The following COL28A1 variants were observed in gnomAD, a reference collection of about 807,000 sequenced individuals.
COL28A1 encodes the protein collagen alpha-1(XXVIII) chain.
In COL28A1, 161 loss-of-function variants were observed where a neutral mutation model predicts 150.2. The ratio of observed to expected loss-of-function variants is 1.07; its 90% CI spans 0.94 to 1.22. The LOEUF (loss-of-function observed/expected upper bound fraction) is 1.22, where lower values mean the gene tolerates loss of function less well. Among genes scored for constraint, COL28A1 ranks in the 50% most tolerant of loss-of-function variants. COL28A1 has a pLI of 0.00. For missense variants in COL28A1, 1,617 were observed against 1,388.3 expected (o/e 1.16, Z -2.62); for synonymous variants, 552 against 469.7 (o/e 1.18, Z -2.26).
chr7:7,481,148 T>C (rs1427569828), intron 13 of COL28A1, among the ~76,000 whole-genome samples: 1 of 152,244 alleles, frequency 6.6e-6, no homozygotes, highest in Non-Finnish European at 1.5e-5. Flanking sequence ...CATGCTGCAC[T>C]GAATAAACAC....
intron 21 of COL28A1, among the ~76,000 whole-genome samples, 173 bp from the exon 22 acceptor site, chr7:7,437,635 T>G (rs1051445183): frequency 1.3e-5 from 2 of 152,200 alleles, no homozygotes; most frequent in African/African-American, 4.8e-5. Flanking sequence ...CTGCTAGTTA[T>G]TGACTAGTAA....
At chr7:7,363,454 T>A (rs1471819328) in intron 33 of COL28A1, among the ~76,000 whole-genome samples, 1 of 152,180 alleles carries the variant, frequency 6.6e-6, no homozygotes, top group East Asian at 1.9e-4. Flanking sequence ...TCTGGCTCAG[T>A]GAGATGTCAG....
chr7:7,542,088 G>T, the COL28A1 span, among the ~76,000 whole-genome samples: 61 of 152,318 alleles, frequency 4.0e-4, no homozygotes, highest in Non-Finnish European at 4.3e-4. Context: ...GGTGGCTCAC[G>T]CCTGTAATCC....
chr7:7,397,407 T>G (rs1044476722), intron 27 of COL28A1, among the ~76,000 whole-genome samples: 3 of 152,298 alleles, frequency 2.0e-5, no homozygotes, highest in African/African-American at 7.2e-5. Context: ...CCTTCTGCCA[T>G]TTAAGGTAAT....
intron 20 of COL28A1, among the ~76,000 whole-genome samples, chr7:7,443,143 A>G (rs1785943500): frequency 6.6e-6 from 1 of 152,194 alleles, no homozygotes; most frequent in East Asian, 1.9e-4. Flanking sequence ...CTTAACATAT[A>G]AAAATGTTAT....
intron 5 of COL28A1, among the ~76,000 whole-genome samples, chr7:7,520,458 C>T (rs1013338348): frequency 8.5e-5 from 13 of 152,176 alleles, no homozygotes; most frequent in Non-Finnish European, 1.8e-4. Flanking sequence ...AGGAGTTGTT[C>T]CCAATCTCTC....
chr7:7,515,461 A>G (rs1235331440), intron 8 of COL28A1, among the ~76,000 whole-genome samples: 2 of 152,200 alleles, frequency 1.3e-5, no homozygotes, highest in Admixed American at 1.3e-4. Context: ...ACAGGAAGTT[A>G]AACACCAAGG....
intron 27 of COL28A1, among the ~76,000 whole-genome samples, chr7:7,399,073 T>C (rs939807040): frequency 2.0e-5 from 3 of 152,200 alleles, no homozygotes; most frequent in African/African-American, 7.2e-5. Flanking sequence ...TGTAACTTCA[T>C]ATCTACTTTC....
chr7:7,474,211 G>A (rs113677924), intron 15 of COL28A1, among the ~76,000 whole-genome samples: 2 of 151,698 alleles, frequency 1.3e-5, no homozygotes, highest in Non-Finnish European at 2.9e-5. Flanking sequence ...AACATTGTAT[G>A]TTCTCACTCA....
At position 7,488,342 on chromosome 7, in the gene COL28A1, AAT is replaced by A. The variant is rs1207556838; in HGVS notation, c.1164+1045_1164+1046del. Among the ~76,000 whole-genome samples the A allele has an allele frequency of 5.9e-5, 9 of 152,328 alleles. No homozygotes were observed. The East Asian group carries it at 1.5e-3, about 26-fold the overall frequency. ...ATTAGTGAAAAGCCTAAACCTAAAT[AAT>A]ATGTTGCCATTTCACTCACAGAGTG... On this transcript the variant is annotated intron_variant, in intron 13 of 34. Transcript: ENST00000399429.
At chr7:7,525,852 A>G (rs1311577577) in intron 3 of COL28A1, among the ~76,000 whole-genome samples, 1 of 152,206 alleles carries the variant, frequency 6.6e-6, no homozygotes, top group Non-Finnish European at 1.5e-5. Flanking sequence ...AATTTTCTCC[A>G]TATATAAAAA....
chr7:7,418,524 C>T lies in COL28A1; in HGVS notation c.2068-597G>A, dbSNP rs369671996. Among the ~76,000 whole-genome samples, 4 of 152,140 alleles carry T rather than the reference C, an allele frequency of 2.6e-5. No individual in the cohort carries two copies. The East Asian group carries it at 7.7e-4, about 29-fold the overall frequency. On this transcript the variant is annotated intron_variant, in intron 26 of 34. Transcript: ENST00000399429. ...AGCATGCGCTTTCCCTTGGAGATCTCCAGTGCACACTAATATAGTAGACTA... is the reference window on the plus strand; with the variant it reads ...AGCATGCGCTTTCCCTTGGAGATCTTCAGTGCACACTAATATAGTAGACTA...
intron 27 of COL28A1, among the ~76,000 whole-genome samples, chr7:7,412,727 G>C (rs999250241): frequency 6.6e-6 from 1 of 152,060 alleles, no homozygotes; most frequent in Non-Finnish European, 1.5e-5. Flanking sequence ...GAGAAGCCAT[G>C]ATTCAAATCT....
At chr7:7,504,041 T>G (rs1373502721) in intron 11 of COL28A1, among the ~76,000 whole-genome samples, 1 of 152,206 alleles carries the variant, frequency 6.6e-6, no homozygotes, top group Non-Finnish European at 1.5e-5. Context: ...CTTTTATGAT[T>G]ATGCTGTAAA....
intron 13 of COL28A1, 102 bp from the exon 14 acceptor site, chr7:7,477,282 GTT>G: frequency 2.8e-6 from 2 of 710,228 alleles, no homozygotes; most frequent in Admixed American, 4.9e-5. Context: ...TTATATTTCA[GTT>G]TACATGCCAA....
At chr7:7,446,685 T>C (rs1019657196) in intron 18 of COL28A1, among the ~76,000 whole-genome samples, 6 of 152,218 alleles carry the variant, frequency 3.9e-5, no homozygotes, top group African/African-American at 1.4e-4. Flanking sequence ...CCATTCTCCC[T>C]ATGAGACATA....
chr7:7,408,739 A>G (rs1052364482), intron 27 of COL28A1, among the ~76,000 whole-genome samples: 1 of 152,186 alleles, frequency 6.6e-6, no homozygotes, highest in Non-Finnish European at 1.5e-5. Context: ...TTAGGGAAAA[A>G]GAATTGCTCT....
In COL28A1 at chr7:7,465,575, G is replaced by T. The variant is rs533711732; in HGVS notation, c.1302+9026C>A. 2.5e-4 allele frequency among the ~76,000 whole-genome samples: 35 copies of T among 137,768 alleles called. 2 individuals are homozygous for T. The South Asian group carries it at 7.8e-3, about 31-fold the overall frequency. The allele number at this position is 137,768 out of a possible 152,430, so 90.4% of individuals were successfully genotyped here. ...GCTTGCTTAGGTAAACAAAGCAGCC[G>T]AGAAGCTCGAACTGGGTGGAGCCCA... is the stretch of plus-strand genomic sequence containing the variant. On this transcript the variant is annotated intron_variant, in intron 15 of 34. Coordinates refer to ENST00000399429, the MANE Select transcript of COL28A1 (RefSeq NM_001037763.3).
At chr7:7,489,263 G>A (rs530294348) in intron 13 of COL28A1, 126 bp downstream of exon 13, 226 of 647,718 alleles carry the variant, frequency 3.5e-4, no homozygotes, top group South Asian at 3.3e-3. Context: ...GTGAGATTCC[G>A]TCTCAAAAAA....
Sources: gnomAD v4.1 joint callset for allele counts (sites outside exome capture counted in the v4.1 genomes callset) on GRCh38, gnomAD v4.1.1 for gene constraint, MANE v1.5 for transcripts, NCBI Gene and HGNC (gene_info 2026-07-23, HGNC 2026-07-21) for gene names.